ADCY8: variants seen among roughly 807,000 people sequenced by gnomAD.
ADCY8 encodes adenylate cyclase type 8.
ADCY8 carries 51 observed loss-of-function variants against 119.7 expected under a neutral mutation model. The observed-to-expected ratio is 0.43, with a 90% CI of 0.34 to 0.54. The LOEUF is 0.54. Ranked by LOEUF, ADCY8 falls within the 20% of genes least tolerant of loss-of-function variation. The probability of loss-of-function intolerance (pLI) is 0.03; values close to 1 mark genes in which losing one functional copy is unlikely to be tolerated. For missense variants in ADCY8, 1,383 were observed against 1,598.8 expected (o/e 0.87, Z 2.30); for synonymous variants, 665 against 651.0 (o/e 1.02, Z -0.33).
intron 1 of ADCY8, among the ~76,000 whole-genome samples, chr8:131,023,270 C>T (rs1347477596): frequency 1.3e-5 from 2 of 152,168 alleles, no homozygotes; most frequent in Non-Finnish European, 2.9e-5. Flanking sequence ...GCCCTGATGC[C>T]CATGGACACT....
At chr8:130,849,501 C>T (rs1232005159) in intron 10 of ADCY8, 101 bp downstream of exon 10, 3 of 1,242,538 alleles carry the variant, frequency 2.4e-6, no homozygotes, top group Non-Finnish European at 3.5e-6. Context: ...ATAAAGGTAA[C>T]TGGTACCAAG....
intron 7 of ADCY8, among the ~76,000 whole-genome samples, chr8:130,896,735 CT>C (rs1404277990): frequency 6.6e-6 from 1 of 151,958 alleles, no homozygotes; most frequent in Non-Finnish European, 1.5e-5. Context: ...ACTCCTGTTG[CT>C]GAATTTGGTA....
chr8:131,027,716 G>T (rs1392730965), intron 1 of ADCY8, among the ~76,000 whole-genome samples: 1 of 152,178 alleles, frequency 6.6e-6, no homozygotes, highest in Non-Finnish European at 1.5e-5. Flanking sequence ...ATAAAACTGG[G>T]GTAGAGATAC....
At chr8:130,936,209 G>A (rs944544595) in intron 5 of ADCY8, among the ~76,000 whole-genome samples, 1 of 152,070 alleles carries the variant, frequency 6.6e-6, no homozygotes, top group African/African-American at 2.4e-5. Context: ...CAAGGGGAGT[G>A]CTGACAATAC....
intron 2 of ADCY8, among the ~76,000 whole-genome samples, chr8:130,969,663 G>C (rs554961956): frequency 4.7e-4 from 72 of 152,326 alleles, no homozygotes; most frequent in African/African-American, 1.7e-3. Flanking sequence ...GGGGCTGCCA[G>C]AGTCTTCAGG....
chr8:131,003,880 G>A (rs1823031067), intron 1 of ADCY8, among the ~76,000 whole-genome samples: 1 of 152,078 alleles, frequency 6.6e-6, no homozygotes, highest in South Asian at 2.1e-4. Context: ...AGGAGGAGGT[G>A]GAGGAGGAGA....
intron 2 of ADCY8, among the ~76,000 whole-genome samples, chr8:130,987,379 A>G (rs1360962560): frequency 6.6e-6 from 1 of 152,172 alleles, no homozygotes; most frequent in Non-Finnish European, 1.5e-5. Context: ...CCAGGATCTG[A>G]TTGCTAGTCA....
intron 8 of ADCY8, among the ~76,000 whole-genome samples, chr8:130,874,396 TA>T (rs1285873204): frequency 6.6e-6 from 1 of 152,104 alleles, no homozygotes; most frequent in Non-Finnish European, 1.5e-5. Flanking sequence ...GCAATGAGAC[TA>T]ATTTTCAGTA....
At chr8:130,783,848 TG>T (rs772307674) in intron 16 of ADCY8, 43 bp from the exon 17 acceptor site, 4 of 1,481,416 alleles carry the variant, frequency 2.7e-6, no homozygotes, top group Admixed American at 3.4e-5. Context: ...ATGCGGAATG[TG>T]GGGGAACATT....
intron 7 of ADCY8, among the ~76,000 whole-genome samples, chr8:130,888,697 G>T (rs77460997): frequency 0.022 from 3,327 of 152,154 alleles, 73 homozygotes; most frequent in South Asian, 0.08. Context: ...TAATGAGAGG[G>T]TCAGGTAGCC....
chr8:130,847,526 A>G lies in ADCY8; in HGVS notation c.2413-13T>C. 1 of 1,344,518 alleles carries G rather than the reference A, an allele frequency of 7.4e-7. No individual in the cohort carries two copies. The highest frequency in any genetic ancestry group is 1.0e-6 in the Non-Finnish European group (1 of 996,212). The allele number at this position is 1,344,518 out of a possible 1,614,324, so 83.3% of individuals were successfully genotyped here. On this transcript the variant is annotated splice_polypyrimidine_tract_variant and intron_variant, in intron 10 of 17. Transcript: ENST00000286355. ...AATCACACCACAGCTGCGGATTAAA[A>G]AAAAAAAAAAAAGAACAACAAAAAC... is the stretch of plus-strand genomic sequence containing the variant.
Position 130,909,788 on chromosome 8 carries a change from C to T in ADCY8, c.1560G>A (p.Leu520=). ...IHSGSVLCGV[L]GLRKWQFDVW... ...CATCAAACTGCCACTTCCTTAGTCC[C>T]AAAACACCGCACAGCACCGAGCCGG... Residue 520 remains leucine (L), a synonymous_variant, in exon 6 of 18, where the codon TTG becomes TTA. Coordinates refer to ENST00000286355, the MANE Select transcript of ADCY8 (RefSeq NM_001115.3). The T allele has an allele frequency of 6.2e-7, 1 of 1,614,152 alleles. No individual in the cohort carries two copies. Among genetic ancestry groups the T allele is most frequent in the East Asian group, 2.2e-5 (1 of 44,880 alleles).
At chr8:130,826,866 C>G (rs987187966) in intron 12 of ADCY8, among the ~76,000 whole-genome samples, 2 of 150,558 alleles carry the variant, frequency 1.3e-5, no homozygotes. Flanking sequence ...AACAGGTGCA[C>G]AGTAGATCTT....
intron 8 of ADCY8, among the ~76,000 whole-genome samples, chr8:130,881,369 C>T (rs1035053735): frequency 3.9e-5 from 6 of 152,118 alleles, no homozygotes; most frequent in African/African-American, 1.4e-4. Flanking sequence ...TATTTCTGTA[C>T]ATTTCGATGG....
chr8:131,030,709 G>A (rs534101545), intron 1 of ADCY8, among the ~76,000 whole-genome samples: 89 of 152,280 alleles, frequency 5.8e-4, no homozygotes, highest in Non-Finnish European at 1.1e-3. Context: ...AAACCCAGCA[G>A]GCAGTCAACA....
At chr8:130,878,884 G>A (rs1425240407) in intron 8 of ADCY8, among the ~76,000 whole-genome samples, 3 of 152,056 alleles carry the variant, frequency 2.0e-5, no homozygotes, top group Non-Finnish European at 2.9e-5. Context: ...CCACAAAAAT[G>A]CCCATATCCA....
chr8:130,873,477 C>A (rs1323656544), intron 8 of ADCY8, among the ~76,000 whole-genome samples: 1 of 152,276 alleles, frequency 6.6e-6, no homozygotes, highest in South Asian at 2.1e-4. Context: ...CGCCACCACA[C>A]CCAGCTAATT....
intron 13 of ADCY8, among the ~76,000 whole-genome samples, chr8:130,818,810 TG>T (rs1339890074): frequency 2.0e-5 from 3 of 152,166 alleles, no homozygotes; most frequent in Non-Finnish European, 4.4e-5. Context: ...AGGGAGGCAG[TG>T]GCATGTGAAG....
intron 4 of ADCY8, among the ~76,000 whole-genome samples, chr8:130,938,575 T>C (rs1820863653): frequency 6.6e-6 from 1 of 152,144 alleles, no homozygotes; most frequent in Admixed American, 6.5e-5. Context: ...AGACCAACAG[T>C]ACTGTTGATG....
Sources: allele counts gnomAD v4.1 joint callset (sites outside exome capture counted in the v4.1 genomes callset), GRCh38; gene constraint gnomAD v4.1.1; transcripts MANE v1.5; gene names NCBI Gene and HGNC (gene_info 2026-07-23, HGNC 2026-07-21).